TENM3: variants seen among roughly 807,000 people sequenced by gnomAD.
TENM3 encodes the protein teneurin transmembrane protein 3.
A neutral mutation model predicts 255.1 loss-of-function variants in TENM3; 63 were observed. That is an observed-to-expected ratio of 0.25 (90% CI 0.20 to 0.30). The LOEUF (loss-of-function observed/expected upper bound fraction) is 0.30, where lower values mean the gene tolerates loss of function less well. Among genes scored for constraint, TENM3 ranks in the 10% least tolerant of loss-of-function variants. The probability of loss-of-function intolerance (pLI) is 1.00; values close to 1 mark genes in which losing one functional copy is unlikely to be tolerated. For missense variants in TENM3, 2,929 were observed against 3,461.1 expected, an observed-to-expected ratio of 0.85 and a Z score of 3.86; for synonymous variants, 1,306 against 1,322.3, an observed-to-expected ratio of 0.99 and a Z score of 0.27.
the TENM3 span, among the ~76,000 whole-genome samples, chr4:181,721,804 A>G: frequency 6.6e-6 from 1 of 151,974 alleles, no homozygotes; most frequent in African/African-American, 2.4e-5. Flanking sequence ...AAGAACTACA[A>G]GACAGCGTGT....
the TENM3 span, among the ~76,000 whole-genome samples, chr4:181,960,189 G>A: frequency 6.6e-6 from 1 of 152,124 alleles, no homozygotes; most frequent in Non-Finnish European, 1.5e-5. Flanking sequence ...CATCTATTTA[G>A]CATTAATGTT....
chr4:182,714,639 G>GA (rs1380722959), intron 13 of TENM3, among the ~76,000 whole-genome samples: 3 of 152,042 alleles, frequency 2.0e-5, no homozygotes, highest in Non-Finnish European at 4.4e-5. Flanking sequence ...GGCATGGATG[G>GA]AAAAAAACAA....
chr4:181,652,858 T>G, the TENM3 span, among the ~76,000 whole-genome samples: 1 of 152,174 alleles, frequency 6.6e-6, no homozygotes, highest in Non-Finnish European at 1.5e-5. Flanking sequence ...GATTTGCATT[T>G]ACACCGAATC....
At chr4:181,652,740 C>T in the TENM3 span, among the ~76,000 whole-genome samples, 1 of 152,148 alleles carries the variant, frequency 6.6e-6, no homozygotes, top group Non-Finnish European at 1.5e-5. Flanking sequence ...GTTCCGCTAA[C>T]CTTAAATAAT....
chr4:182,448,175 C>G (rs889138216), intron 3 of TENM3, among the ~76,000 whole-genome samples: 4 of 152,172 alleles, frequency 2.6e-5, no homozygotes, highest in African/African-American at 9.6e-5. Flanking sequence ...AATGGGGGTC[C>G]GCGACTGCTG....
At chr4:181,923,722 G>T in the TENM3 span, among the ~76,000 whole-genome samples, 1 of 152,234 alleles carries the variant, frequency 6.6e-6, no homozygotes, top group Non-Finnish European at 1.5e-5. Context: ...TGGTTCAAAA[G>T]AAATGATAGC....
chr4:181,757,917 C>T, the TENM3 span, among the ~76,000 whole-genome samples: 10 of 152,156 alleles, frequency 6.6e-5, no homozygotes, highest in South Asian at 2.1e-3. Context: ...CCAACTCCCT[C>T]TGTTTTCTTT....
At chr4:181,958,917 T>C in the TENM3 span, among the ~76,000 whole-genome samples, 315 of 152,298 alleles carry the variant, frequency 2.1e-3, no homozygotes, top group African/African-American at 7.0e-3. Context: ...AGAATGTATA[T>C]AAACGTATTT....
At chr4:181,885,337 A>C in the TENM3 span, among the ~76,000 whole-genome samples, 16 of 152,194 alleles carry the variant, frequency 1.1e-4, no homozygotes, top group Non-Finnish European at 4.4e-5. Context: ...ATGTCGGCTC[A>C]CTGCAACCTC....
chr4:182,048,585 T>G, the TENM3 span, among the ~76,000 whole-genome samples: 1 of 152,340 alleles, frequency 6.6e-6, no homozygotes, highest in East Asian at 1.9e-4. Flanking sequence ...CAAAGGTGAC[T>G]TCAATCGAAT....
the TENM3 span, among the ~76,000 whole-genome samples, chr4:181,732,326 C>T: frequency 1.3e-5 from 2 of 152,166 alleles, no homozygotes; most frequent in Non-Finnish European, 2.9e-5. Flanking sequence ...CAGTTTCACC[C>T]ACTTCAATAC....
At chr4:181,817,602 G>C in the TENM3 span, among the ~76,000 whole-genome samples, 17 of 152,290 alleles carry the variant, frequency 1.1e-4, no homozygotes, top group Admixed American at 2.6e-4. Flanking sequence ...TGGGAGGTGT[G>C]CCCTTAGGAA....
At chr4:182,381,423 A>G (rs1767557529) in intron 3 of TENM3, among the ~76,000 whole-genome samples, 1 of 152,206 alleles carries the variant, frequency 6.6e-6, no homozygotes, top group Admixed American at 6.5e-5. Flanking sequence ...ATCATTAAAG[A>G]AAAAATAATG....
chr4:182,690,583 G>A (rs1447364349), intron 12 of TENM3, among the ~76,000 whole-genome samples: 1 of 152,186 alleles, frequency 6.6e-6, no homozygotes, highest in African/African-American at 2.4e-5. Context: ...GTTATGATCT[G>A]ACTGTATGTA....
chr4:182,680,059 A>G (rs1166848212), intron 8 of TENM3, among the ~76,000 whole-genome samples, 183 bp downstream of exon 8: 3 of 152,176 alleles, frequency 2.0e-5, no homozygotes, highest in Admixed American at 6.5e-5. Context: ...ACTGGGAGAA[A>G]ATATTTTCTG....
chr4:182,370,441 C>A (rs1210795997), intron 3 of TENM3, among the ~76,000 whole-genome samples: 3 of 152,142 alleles, frequency 2.0e-5, no homozygotes, highest in Non-Finnish European at 2.9e-5. Context: ...CCATACCTAG[C>A]AAGCAGGTCC....
the TENM3 span, among the ~76,000 whole-genome samples, chr4:181,776,460 G>T: frequency 6.6e-6 from 1 of 152,152 alleles, no homozygotes; most frequent in Admixed American, 6.6e-5. Flanking sequence ...GAGTCATGTG[G>T]TAGTTCTATT....
the TENM3 span, among the ~76,000 whole-genome samples, chr4:181,561,942 C>G: frequency 1.3e-5 from 2 of 152,160 alleles, no homozygotes; most frequent in African/African-American, 2.4e-5. Context: ...TCCCCTGGAT[C>G]CTTGCGAATT....
At chr4:182,655,014 TG>T (rs1753637045) in intron 6 of TENM3, among the ~76,000 whole-genome samples, 1 of 152,222 alleles carries the variant, frequency 6.6e-6, no homozygotes, top group African/African-American at 2.4e-5. Flanking sequence ...AACTGTAAGC[TG>T]GTGACTGACA....
Sources: gnomAD v4.1 joint callset for allele counts (sites outside exome capture counted in the v4.1 genomes callset) on GRCh38, gnomAD v4.1.1 for gene constraint, MANE v1.5 for transcripts, NCBI Gene and HGNC (gene_info 2026-07-23, HGNC 2026-07-21) for gene names.